Variants in CAMTA1 observed in about 807,000 individuals in gnomAD.
CAMTA1 encodes the protein calmodulin-binding transcription activator 1.
Under a neutral mutation model 170.9 loss-of-function variants are expected in CAMTA1, and 27 were observed. The observed-to-expected ratio is 0.16, with a 90% CI of 0.12 to 0.22. The LOEUF (loss-of-function observed/expected upper bound fraction) is 0.22. Ranked by LOEUF, CAMTA1 falls within the 10% of genes least tolerant of loss-of-function variation. The pLI is 1.00. For synonymous variants in CAMTA1, 833 were observed against 891.5 expected (o/e 0.93, Z 1.17); for missense variants, 1,619 against 2,217.2 (o/e 0.73, Z 5.42).
At chr1:7,329,907 CA>C (rs1485636598) in intron 5 of CAMTA1, among the ~76,000 whole-genome samples, 1 of 152,106 alleles carries the variant, frequency 6.6e-6, no homozygotes, top group Non-Finnish European at 1.5e-5. Flanking sequence ...ACACATGATA[CA>C]AAAAGATATG....
intron 6 of CAMTA1, among the ~76,000 whole-genome samples, chr1:7,521,884 A>G (rs1272799344): frequency 2.0e-5 from 3 of 152,182 alleles, no homozygotes; most frequent in Admixed American, 6.5e-5. Context: ...GAGTTATTCC[A>G]TGTTATGGAT....
At chr1:7,253,638 C>T (rs950412625) in intron 5 of CAMTA1, among the ~76,000 whole-genome samples, 1 of 152,150 alleles carries the variant, frequency 6.6e-6, no homozygotes, top group Non-Finnish European at 1.5e-5. Flanking sequence ...TGGTATTATA[C>T]CCATTTTATA....
In CAMTA1 at chr1:7,337,528, A is replaced by G. The variant is rs946161808; in HGVS notation, c.438+87902A>G. Among the ~76,000 whole-genome samples the G allele has an allele frequency of 3.9e-4, 53 of 136,954 alleles. 2 individuals carry two copies. Among genetic ancestry groups the G allele is most frequent in the African/African-American group, 1.6e-3 (52 of 31,670 alleles). The allele number at this position is 136,954 out of a possible 152,430, so 89.8% of individuals were successfully genotyped here. ...GTGGGCCGTGGGCTCATCCAATCAC[A>G]GTGTGGGCCGTGGGCTGCATCCAAT... On this transcript the variant is annotated intron_variant, in intron 5 of 22. Transcript: ENST00000303635.
intron 4 of CAMTA1, among the ~76,000 whole-genome samples, chr1:7,232,687 G>T (rs114949569): frequency 6.6e-6 from 1 of 152,046 alleles, no homozygotes; most frequent in African/African-American, 2.4e-5. Context: ...TGCAGGGGCC[G>T]GCTGTTTATG....
intron 6 of CAMTA1, among the ~76,000 whole-genome samples, chr1:7,581,779 G>C (rs1247757726): frequency 6.6e-6 from 1 of 152,234 alleles, no homozygotes; most frequent in Admixed American, 6.5e-5. Flanking sequence ...AATGGAAGGA[G>C]CACTGTTTCT....
At position 7,664,203 on chromosome 1, in the gene CAMTA1, G is replaced by A. The variant is rs112486808; in HGVS notation, c.1656G>A (p.Ala552=). 113 of 1,612,644 alleles carry A rather than the reference G, an allele frequency of 7.0e-5. No homozygotes were observed. The African/African-American group carries it at 8.5e-4, about 12-fold the overall frequency. ...QMAKEAYSSS[A]AAVAASSLTL... ...CCAAAGAAGCGTACTCCTCCTCCGC[G>A]GCGGCTGTGGCAGCCAGCTCCCTCA... Residue 552 remains alanine (A), a synonymous_variant, in exon 9 of 23, where the codon GCG becomes GCA. Coordinates refer to ENST00000303635, the MANE Select transcript of CAMTA1 (RefSeq NM_015215.4).
intron 3 of CAMTA1, among the ~76,000 whole-genome samples, chr1:6,880,295 G>A (rs182238032): frequency 6.7e-6 from 1 of 150,294 alleles, no homozygotes; most frequent in African/African-American, 2.4e-5. Context: ...GGTTGGTCTC[G>A]AGCTGTTGGC....
intron 3 of CAMTA1, among the ~76,000 whole-genome samples, chr1:6,931,476 G>A (rs1280777753): frequency 2.0e-5 from 3 of 152,244 alleles, no homozygotes; most frequent in East Asian, 1.9e-4. Flanking sequence ...CTTAGGAAGC[G>A]CCAGGCATTT....
At chr1:6,790,357 T>TGA (rs554353934) in intron 1 of CAMTA1, among the ~76,000 whole-genome samples, 2,938 of 144,996 alleles carry the variant, frequency 0.02, 55 homozygotes, top group South Asian at 0.038. Flanking sequence ...GTGCAGAGTG[T>TGA]GAGAGAGAGA....
intron 6 of CAMTA1, among the ~76,000 whole-genome samples, chr1:7,578,381 T>G (rs1254527445): frequency 6.6e-6 from 1 of 152,178 alleles, no homozygotes; most frequent in African/African-American, 2.4e-5. Flanking sequence ...CAAAGCCACG[T>G]GTCCCTCCCC....
chr1:6,941,405 G>A (rs575034790), intron 3 of CAMTA1, among the ~76,000 whole-genome samples: 18 of 152,274 alleles, frequency 1.2e-4, no homozygotes, highest in Admixed American at 5.2e-4. Context: ...CAGAGGCCAG[G>A]CACTGGGGTG....
intron 3 of CAMTA1, among the ~76,000 whole-genome samples, chr1:6,939,351 A>C (rs2149414847): frequency 6.6e-6 from 1 of 152,350 alleles, no homozygotes; most frequent in East Asian, 1.9e-4. Flanking sequence ...GACAGTTTAG[A>C]ACACATTATG....
intron 5 of CAMTA1, among the ~76,000 whole-genome samples, chr1:7,466,228 T>C (rs1286363428): frequency 6.6e-6 from 1 of 152,230 alleles, no homozygotes; most frequent in Non-Finnish European, 1.5e-5. Context: ...CAAAACACCG[T>C]GTCTTGAAAA....
intron 6 of CAMTA1, among the ~76,000 whole-genome samples, chr1:7,542,838 AGTGTGTGTGTGTGT>A (rs373719721): frequency 7.1e-4 from 40 of 56,018 alleles, no homozygotes; most frequent in East Asian, 3.1e-3. Flanking sequence ...CCTAAAACAC[AGTGTGTGTGTGTGT>A]GTGTGTGTGT....
intron 6 of CAMTA1, among the ~76,000 whole-genome samples, chr1:7,586,835 C>T (rs375821628): frequency 3.3e-5 from 5 of 152,016 alleles, no homozygotes; most frequent in Admixed American, 6.5e-5. Context: ...ACGGTGGCTG[C>T]GGTGGAACTG....
chr1:7,688,584 A>G (rs1370827611), intron 11 of CAMTA1, among the ~76,000 whole-genome samples: 1 of 152,080 alleles, frequency 6.6e-6, no homozygotes, highest in Non-Finnish European at 1.5e-5. Context: ...AGAAGAGAAG[A>G]CACAAGTGCT....
rs1028479256 is a variant in CAMTA1 at position 7,661,683 on chromosome 1, G to A, written c.665-43G>A. On this transcript the variant is annotated intron_variant, in intron 7 of 22. Transcript: ENST00000303635. Reference sequence around the variant, plus strand: ...CCTTGGCCCCACCCAGGTCCCCTCTGCACCCACGGGCTCTGACAGCCCCCC... The same window carrying A: ...CCTTGGCCCCACCCAGGTCCCCTCTACACCCACGGGCTCTGACAGCCCCCC... The A allele has an allele frequency of 9.9e-6, 16 of 1,611,646 alleles. No homozygotes were observed. The African/African-American group carries it at 2.0e-4, about 20-fold the overall frequency.
intron 2 of CAMTA1, among the ~76,000 whole-genome samples, chr1:6,820,621 A>C (rs1570447735): frequency 1.3e-5 from 2 of 152,328 alleles, no homozygotes. Flanking sequence ...ATCCCAGCTG[A>C]GCCACTCAGC....
rs1487977283 is a variant in CAMTA1 at position 7,653,899 on chromosome 1, G to C, written c.665-7827G>C. Among the ~76,000 whole-genome samples the C allele has an allele frequency of 2.0e-5, 3 of 152,302 alleles. No individual in the cohort carries two copies. In the East Asian group the frequency reaches 5.8e-4, roughly 29 times the overall value. Reference sequence around the variant, plus strand: ...GGGACAGGCATGAGCAGCCAGGAAGGCTATTGTGATTTCTATACCCATAGT... The same window carrying C: ...GGGACAGGCATGAGCAGCCAGGAAGCCTATTGTGATTTCTATACCCATAGT... On this transcript the variant is annotated intron_variant, in intron 7 of 22. Coordinates refer to ENST00000303635, the MANE Select transcript of CAMTA1 (RefSeq NM_015215.4).
Sources: gnomAD v4.1 joint callset for allele counts (sites outside exome capture counted in the v4.1 genomes callset) on GRCh38, gnomAD v4.1.1 for gene constraint, MANE v1.5 for transcripts, NCBI Gene and HGNC (gene_info 2026-07-23, HGNC 2026-07-21) for gene names.